Variants in LARS1 observed in about 807,000 individuals in gnomAD.
LARS1 encodes the protein leucyl-tRNA synthetase 1.
Under a neutral mutation model 162.8 loss-of-function variants are expected in LARS1, and 100 were observed. The observed-to-expected ratio is 0.61, with a 90% CI of 0.52 to 0.73. The LOEUF (loss-of-function observed/expected upper bound fraction) is 0.73, where lower values mean the gene tolerates loss of function less well. LARS1 is among the 30% of genes least tolerant of loss of function. The pLI, the probability that LARS1 is intolerant of heterozygous loss-of-function variation, is 0.00. For missense variants in LARS1, 1,258 were observed against 1,408.9 expected (o/e 0.89, Z 1.71); for synonymous variants, 457 against 462.8 (o/e 0.99, Z 0.16).
In LARS1 at chr5:146,140,201, T is replaced by A; in HGVS notation, c.2148+3A>T. The stretch of plus-strand genomic sequence containing the variant: ...TAAACTTTTAAGATGCAATAAGCCT[T>A]ACCTTCTCAGAGTTCAGGAGGAGAT... On this transcript the variant is annotated splice_donor_region_variant and intron_variant, in intron 21 of 31. Coordinates refer to ENST00000394434, the MANE Select transcript of LARS1 (RefSeq NM_020117.11). 6.2e-7 allele frequency: 1 copy of A among 1,609,904 alleles called. No homozygotes were observed. Among genetic ancestry groups the A allele is most frequent in the African/African-American group, 1.3e-5 (1 of 74,986 alleles).
chr5:146,158,164 G>A (rs1753615651), intron 8 of LARS1, among the ~76,000 whole-genome samples: 2 of 152,134 alleles, frequency 1.3e-5, no homozygotes. Context: ...TAGACCCAAG[G>A]TAGTCATAAT....
At chr5:146,140,147 C>A in intron 21 of LARS1, 57 bp downstream of exon 21, 1 of 1,367,566 alleles carries the variant, frequency 7.3e-7, no homozygotes, top group Non-Finnish European at 1.0e-6. Context: ...GTGCAACAAC[C>A]TAAATCTGAA....
At chr5:146,133,115 A>T (rs1246282056) in intron 22 of LARS1, 34 bp from the exon 23 acceptor site, 1 of 1,596,362 alleles carries the variant, frequency 6.3e-7, no homozygotes, top group African/African-American at 1.3e-5. Context: ...ATGCATTAAA[A>T]ATATGGTTAC....
intron 14 of LARS1, among the ~76,000 whole-genome samples, chr5:146,150,929 A>G (rs1044367628): frequency 4.9e-5 from 7 of 142,680 alleles, no homozygotes; most frequent in Non-Finnish European, 9.1e-5. Flanking sequence ...ACAGAGCAAG[A>G]CTCCGTCAGA....
At chr5:146,125,962 C>T (rs1752024665) in intron 28 of LARS1, among the ~76,000 whole-genome samples, 1 of 151,930 alleles carries the variant, frequency 6.6e-6, no homozygotes, top group Non-Finnish European at 1.5e-5. Context: ...GATGCCATTA[C>T]ATATCCTACA....
At chr5:146,168,478 A>C (rs1002574884) in intron 4 of LARS1, among the ~76,000 whole-genome samples, 2 of 152,172 alleles carry the variant, frequency 1.3e-5, no homozygotes, top group African/African-American at 4.8e-5. Flanking sequence ...CAGGCAGATC[A>C]CTTGTCAGGA....
intron 15 of LARS1, among the ~76,000 whole-genome samples, chr5:146,146,528 G>GT (rs1753015776): frequency 5.2e-5 from 1 of 19,120 alleles, no homozygotes; most frequent in Admixed American, 7.2e-4. Flanking sequence ...ACCTATGCCA[G>GT]AACCAAAAAA....
chr5:146,144,198 A>G, intron 18 of LARS1, 69 bp downstream of exon 18: 1 of 1,140,132 alleles, frequency 8.8e-7, no homozygotes, highest in Non-Finnish European at 1.3e-6. Context: ...CAGGGGGGAA[A>G]GGTAAAAATG....
chr5:146,150,370 CTT>C (rs1753217801), intron 14 of LARS1, among the ~76,000 whole-genome samples: 1 of 152,202 alleles, frequency 6.6e-6, no homozygotes, highest in African/African-American at 2.4e-5. Flanking sequence ...CATGCATTCT[CTT>C]TTGACATTCT....
At chr5:146,160,069 A>G (rs1382469920) in intron 7 of LARS1, among the ~76,000 whole-genome samples, 5 of 152,318 alleles carry the variant, frequency 3.3e-5, no homozygotes, top group South Asian at 2.1e-4. Context: ...GAATAGAAAC[A>G]ACATATTTTA....
chr5:146,116,107 T>C (rs1764195338), intron 31 of LARS1, among the ~76,000 whole-genome samples: 1 of 152,210 alleles, frequency 6.6e-6, no homozygotes, highest in Non-Finnish European at 1.5e-5. Flanking sequence ...GGAGAGTTTC[T>C]GCAGGGACCA....
At chr5:146,142,063 G>A in intron 20 of LARS1, among the ~76,000 whole-genome samples, 1 of 152,092 alleles carries the variant, frequency 6.6e-6, no homozygotes. Context: ...GGGAGGCTGA[G>A]GCAGGAGAAT....
intron 13 of LARS1, among the ~76,000 whole-genome samples, chr5:146,152,480 G>A (rs1019532692): frequency 6.6e-5 from 10 of 152,104 alleles, no homozygotes; most frequent in African/African-American, 1.9e-4. Flanking sequence ...ATAGAAGCAC[G>A]AACCCTATTG....
chr5:146,115,051 A>G (rs1419850776), intron 31 of LARS1, among the ~76,000 whole-genome samples: 2 of 149,716 alleles, frequency 1.3e-5, no homozygotes, highest in Non-Finnish European at 1.5e-5. Flanking sequence ...GGGGGGAAAA[A>G]AAAAAAAAAA....
At chr5:146,164,493 A>G (rs1327922964) in intron 5 of LARS1, 22 bp from the exon 6 acceptor site, 1 of 1,609,456 alleles carries the variant, frequency 6.2e-7, no homozygotes. Flanking sequence ...GGAGAAAAAT[A>G]AACTCGATCA....
At chr5:146,155,618 C>A (rs1753491183) in intron 10 of LARS1, among the ~76,000 whole-genome samples, 1 of 152,132 alleles carries the variant, frequency 6.6e-6, no homozygotes, top group African/African-American at 2.4e-5. Flanking sequence ...TAATTCCCAC[C>A]CACCCCTCTT....
intron 6 of LARS1, 106 bp from the exon 7 acceptor site, chr5:146,160,592 T>A (rs1753737112): frequency 1.9e-6 from 1 of 517,184 alleles, no homozygotes; most frequent in Non-Finnish European, 3.4e-6. Context: ...TAGAATCAGA[T>A]CAACTATTAA....
intron 8 of LARS1, 101 bp from the exon 9 acceptor site, chr5:146,157,896 C>G: frequency 7.0e-6 from 8 of 1,136,984 alleles, no homozygotes; most frequent in Non-Finnish European, 9.1e-6. Context: ...AAAATGGGTT[C>G]TTGCATTATT....
At chr5:146,137,187 C>A (rs548086278) in intron 21 of LARS1, among the ~76,000 whole-genome samples, 1 of 152,222 alleles carries the variant, frequency 6.6e-6, no homozygotes, top group Admixed American at 6.5e-5. Context: ...CGTGAGTCAC[C>A]GCGCCCAGTC....
Sources: gnomAD v4.1 joint callset for allele counts (sites outside exome capture counted in the v4.1 genomes callset) on GRCh38, gnomAD v4.1.1 for gene constraint, MANE v1.5 for transcripts, NCBI Gene and HGNC (gene_info 2026-07-23, HGNC 2026-07-21) for gene names.